Variants in IL1RAPL1 observed in about 807,000 individuals in gnomAD.
IL1RAPL1 encodes the protein interleukin-1 receptor accessory protein-like 1.
Under a neutral mutation model 48.4 loss-of-function variants are expected in IL1RAPL1, and 3 were observed. That is an observed-to-expected ratio of 0.06 (90% CI 0.03 to 0.16). The LOEUF (loss-of-function observed/expected upper bound fraction) is 0.16, where lower values mean the gene tolerates loss of function less well. IL1RAPL1 is among the 10% of genes least tolerant of loss of function. The pLI is 1.00. For synonymous variants in IL1RAPL1, 185 were observed against 187.7 expected, an observed-to-expected ratio of 0.99 and a Z score of 0.12; for missense variants, 349 against 530.6, an observed-to-expected ratio of 0.66 and a Z score of 3.36.
At chrX:28,787,675 T>C (rs1408415524) in intron 1 of IL1RAPL1, among the ~76,000 whole-genome samples, 12 of 109,842 alleles carry the variant, frequency 1.1e-4, no homozygotes, top group Non-Finnish European at 9.4e-5. Flanking sequence ...TGAATTAAAA[T>C]GTGTTTTAAC....
chrX:29,423,456 A>G (rs1027576633), intron 5 of IL1RAPL1, among the ~76,000 whole-genome samples: 2 of 112,275 alleles, frequency 1.8e-5, no homozygotes, highest in African/African-American at 6.5e-5. Context: ...CTTGTCTCAG[A>G]TACTTTTTGG....
intron 2 of IL1RAPL1, among the ~76,000 whole-genome samples, chrX:28,870,409 A>C (rs1922179014): frequency 9.0e-6 from 1 of 111,565 alleles, no homozygotes; most frequent in Non-Finnish European, 1.9e-5. Context: ...AGTTTATTGT[A>C]CCATAACAGG....
At chrX:28,645,172 A>C (rs184072073) in intron 1 of IL1RAPL1, among the ~76,000 whole-genome samples, 1 of 107,667 alleles carries the variant, frequency 9.3e-6, no homozygotes, top group Non-Finnish European at 1.9e-5. Context: ...ACATGGAGTG[A>C]CCCTGTCTCT....
intron 5 of IL1RAPL1, among the ~76,000 whole-genome samples, chrX:29,540,387 A>G (rs1286516208): frequency 8.9e-6 from 1 of 111,940 alleles, no homozygotes; most frequent in Non-Finnish European, 1.9e-5. Flanking sequence ...CACTATTCCT[A>G]TCAAACTACC....
intron 1 of IL1RAPL1, among the ~76,000 whole-genome samples, chrX:28,752,159 G>A (rs1415191452): frequency 9.0e-6 from 1 of 111,681 alleles, no homozygotes; most frequent in African/African-American, 3.3e-5. Flanking sequence ...ATTACCTAAT[G>A]TTCTAATGCA....
At chrX:29,022,984 T>C (rs1265565993) in intron 2 of IL1RAPL1, among the ~76,000 whole-genome samples, 2 of 112,350 alleles carry the variant, frequency 1.8e-5, no homozygotes, top group Middle Eastern at 4.2e-3. Context: ...TTTATCACAC[T>C]TGTTTTATAA....
chrX:29,340,353 C>T (rs1307868799), intron 3 of IL1RAPL1, among the ~76,000 whole-genome samples: 1 of 111,076 alleles, frequency 9.0e-6, no homozygotes, highest in Non-Finnish European at 1.9e-5. Flanking sequence ...CTTCCCCTAC[C>T]CCCAGCTCTT....
intron 2 of IL1RAPL1, among the ~76,000 whole-genome samples, chrX:28,906,767 A>G (rs1289891505): frequency 1.8e-5 from 2 of 111,431 alleles, no homozygotes; most frequent in Admixed American, 1.9e-4. Flanking sequence ...TTTCTTGAGT[A>G]TCTATTATGT....
At chrX:28,752,369 C>T (rs372611298) in intron 1 of IL1RAPL1, among the ~76,000 whole-genome samples, 4 of 111,821 alleles carry the variant, frequency 3.6e-5, no homozygotes, top group East Asian at 5.6e-4. Flanking sequence ...AGATTTCAAG[C>T]AGTGAAGAGA....
intron 2 of IL1RAPL1, among the ~76,000 whole-genome samples, chrX:29,070,679 T>A (rs1927548225): frequency 9.0e-6 from 1 of 111,455 alleles, no homozygotes; most frequent in Non-Finnish European, 1.9e-5. Flanking sequence ...GGAATGAAGA[T>A]TTGATTAGTA....
intron 2 of IL1RAPL1, among the ~76,000 whole-genome samples, chrX:28,863,300 C>G (rs1443390603): frequency 9.1e-6 from 1 of 109,944 alleles, no homozygotes; most frequent in Non-Finnish European, 1.9e-5. Context: ...TCAGATCTAC[C>G]TTTGTAGCAT....
chrX:29,397,069 C>T (rs1372993640), intron 4 of IL1RAPL1, among the ~76,000 whole-genome samples: 1 of 112,130 alleles, frequency 8.9e-6, no homozygotes, highest in Non-Finnish European at 1.9e-5. Flanking sequence ...TGTTTATTTA[C>T]TGATATTCCA....
chrX:29,699,666 TCTGTAAAAAGTTACTAACTCC>T (rs747088562), intron 6 of IL1RAPL1, among the ~76,000 whole-genome samples: 20 of 112,408 alleles, frequency 1.8e-4, no homozygotes, highest in African/African-American at 6.4e-4. Flanking sequence ...CTTTCTCTTT[TCTGTAAAAAGTTACTAACTCC>T]CTAATCAAGA....
chrX:29,131,274 G>GTATATATA (rs765489520), intron 2 of IL1RAPL1, among the ~76,000 whole-genome samples: 36 of 103,991 alleles, frequency 3.5e-4, no homozygotes, highest in Non-Finnish European at 6.1e-4. Context: ...GTGTGTGTGT[G>GTATATATA]TATATATATA....
intron 1 of IL1RAPL1, among the ~76,000 whole-genome samples, chrX:28,653,166 C>G (rs920958240): frequency 8.9e-6 from 1 of 111,786 alleles, no homozygotes; most frequent in African/African-American, 3.2e-5. Flanking sequence ...TATTTTAACT[C>G]CACCTTTTTT....
chrX:29,926,653 C>A (rs187605411), intron 8 of IL1RAPL1, among the ~76,000 whole-genome samples: 1 of 112,052 alleles, frequency 8.9e-6, no homozygotes, highest in Admixed American at 9.4e-5. Flanking sequence ...CTTGTCACTA[C>A]TGACATTTTG....
At chrX:29,340,506 G>A (rs1177357792) in intron 3 of IL1RAPL1, among the ~76,000 whole-genome samples, 3 of 111,903 alleles carry the variant, frequency 2.7e-5, no homozygotes, top group Non-Finnish European at 5.6e-5. Flanking sequence ...GCATTCTGTC[G>A]TGTATCAACA....
intron 1 of IL1RAPL1, among the ~76,000 whole-genome samples, chrX:28,616,485 G>A (rs940951207): frequency 9.2e-6 from 1 of 108,928 alleles, no homozygotes; most frequent in African/African-American, 3.4e-5. Flanking sequence ...CCGGGCTGGA[G>A]TGCAATGGCA....
chrX:29,015,460 AGATG>A (rs1926219867), intron 2 of IL1RAPL1, among the ~76,000 whole-genome samples: 2 of 110,889 alleles, frequency 1.8e-5, no homozygotes, highest in Non-Finnish European at 3.8e-5. Flanking sequence ...TATTGATGGT[AGATG>A]CCATGAGTAA....
Sources: allele counts gnomAD v4.1 joint callset (sites outside exome capture counted in the v4.1 genomes callset), GRCh38; gene constraint gnomAD v4.1.1; transcripts MANE v1.5; gene names NCBI Gene and HGNC (gene_info 2026-07-23, HGNC 2026-07-21).